Variants in RPS6KA5 observed in about 807,000 individuals in gnomAD.
RPS6KA5 encodes ribosomal protein S6 kinase alpha-5.
In RPS6KA5, 27 loss-of-function variants were observed where a neutral mutation model predicts 85.5. That is an observed-to-expected ratio of 0.32 (90% CI 0.23 to 0.44). RPS6KA5 has a LOEUF of 0.44. Ranked by LOEUF, RPS6KA5 falls within the 20% of genes least tolerant of loss-of-function variation. RPS6KA5 has a pLI of 1.00. For missense variants in RPS6KA5, 811 were observed against 980.9 expected (o/e 0.83, Z 2.31); for synonymous variants, 334 against 348.2 (o/e 0.96, Z 0.46).
At chr14:90,944,538 C>A (rs1231299778) in intron 4 of RPS6KA5, among the ~76,000 whole-genome samples, 1 of 152,118 alleles carries the variant, frequency 6.6e-6, no homozygotes, top group African/African-American at 2.4e-5. Flanking sequence ...GGCAGATCAC[C>A]TGAGGTCAAG....
intron 2 of RPS6KA5, among the ~76,000 whole-genome samples, chr14:90,998,816 G>C (rs898042046): frequency 5.9e-5 from 9 of 152,148 alleles, no homozygotes; most frequent in African/African-American, 1.7e-4. Context: ...TAGCTGTAAA[G>C]ATTGGGCCTA....
chr14:90,927,876 T>C (rs1254174948), intron 5 of RPS6KA5, among the ~76,000 whole-genome samples: 1 of 151,776 alleles, frequency 6.6e-6, no homozygotes, highest in Non-Finnish European at 1.5e-5. Context: ...ATCCATCAAT[T>C]AGAGAATACA....
intron 2 of RPS6KA5, among the ~76,000 whole-genome samples, chr14:90,992,657 T>G (rs961251103): frequency 6.6e-6 from 1 of 152,200 alleles, no homozygotes; most frequent in African/African-American, 2.4e-5. Flanking sequence ...TAATCCCCCT[T>G]TTCCTGTTTT....
rs1171646962 is a variant in RPS6KA5, at chr14:90,920,307, T to C, written c.705A>G (p.Ala235=). The C allele has an allele frequency of 1.3e-6, 2 of 1,579,220 alleles. No homozygotes were observed. Among genetic ancestry groups the C allele is most frequent in the Non-Finnish European group, 1.7e-6 (2 of 1,151,700 alleles). ...GAACACCCAAACTCCACCAGTCAAC[T>C]GCCTATAAAACAACAATAATTTCAT... The part of the protein sequence containing the change: ...VRGGDSGHDK[A]VDWWSLGVLM... Residue 235 remains alanine (A), a splice_region_variant and synonymous_variant, in exon 7 of 17, where the codon GCA becomes GCG. Coordinates refer to ENST00000614987, the MANE Select transcript of RPS6KA5 (RefSeq NM_004755.4).
At chr14:90,908,068 C>T (rs1301226878) in intron 7 of RPS6KA5, among the ~76,000 whole-genome samples, 1 of 152,198 alleles carries the variant, frequency 6.6e-6, no homozygotes, top group Non-Finnish European at 1.5e-5. Flanking sequence ...ACCTTAAGAA[C>T]ATTTCAACTT....
At chr14:90,965,980 G>A (rs532970445) in intron 3 of RPS6KA5, among the ~76,000 whole-genome samples, 1 of 152,328 alleles carries the variant, frequency 6.6e-6, no homozygotes, top group African/African-American at 2.4e-5. Context: ...AGGTGCAACT[G>A]GTTTGACTGA....
Position 91,021,962 on chromosome 14 carries a change from C to T in RPS6KA5, c.104-20803G>A, listed in dbSNP as rs75718207. 1.3e-3 allele frequency among the ~76,000 whole-genome samples: 194 copies of T among 152,204 alleles called. 1 individual carries two copies. The East Asian group carries it at 0.029, about 23-fold the overall frequency. ...GGTATGCTGCTTGCTACTGAGGTAC[C>T]TTGCCTTCTAGGCTCTTTCATGAAC... On this transcript the variant is annotated intron_variant, in intron 1 of 16. Coordinates refer to ENST00000614987, the MANE Select transcript of RPS6KA5 (RefSeq NM_004755.4).
intron 1 of RPS6KA5, among the ~76,000 whole-genome samples, chr14:91,042,692 C>A (rs1481625118): frequency 6.6e-6 from 1 of 152,082 alleles, no homozygotes; most frequent in East Asian, 1.9e-4. Context: ...GTATCCTCTA[C>A]CTCTTCCTTC....
intron 13 of RPS6KA5, chr14:90,894,106 G>A: frequency 2.0e-6 from 2 of 1,004,192 alleles, no homozygotes; most frequent in Non-Finnish European, 2.4e-6. Context: ...ATTATTTTCT[G>A]CTATAAAAAT....
intron 12 of RPS6KA5, among the ~76,000 whole-genome samples, chr14:90,898,615 G>T (rs751825801): frequency 2.0e-5 from 3 of 152,184 alleles, no homozygotes; most frequent in Non-Finnish European, 2.9e-5. Flanking sequence ...GCACATTCAG[G>T]ATTGGTTTGT....
rs939542041 is a variant in RPS6KA5 at position 90,863,566 on chromosome 14, A to G, written c.*8508T>C. On this transcript the variant is annotated 3_prime_UTR_variant, in exon 17 of 17. Transcript: ENST00000614987. ...AAATCTAAAATAATATACAGATTAG[A>G]ATTAAAAAGTGAATTTAACAAGGTT... 6.6e-6 allele frequency: 1 copy of G among 151,930 alleles called. No homozygotes were observed. Among genetic ancestry groups the G allele is most frequent in the Non-Finnish European group, 1.5e-5 (1 of 67,958 alleles). The allele number at this position is 151,930 out of a possible 1,614,324, so 9.4% of individuals were successfully genotyped here.
chr14:90,913,795 T>C (rs2035961431), intron 7 of RPS6KA5, among the ~76,000 whole-genome samples: 1 of 152,206 alleles, frequency 6.6e-6, no homozygotes, highest in African/African-American at 2.4e-5. Context: ...AACTCAGACC[T>C]TGGGGGTTCC....
At chr14:90,978,038 G>C (rs1176814345) in intron 3 of RPS6KA5, among the ~76,000 whole-genome samples, 1 of 152,070 alleles carries the variant, frequency 6.6e-6, no homozygotes, top group Non-Finnish European at 1.5e-5. Context: ...CTGGGTGACA[G>C]AGCCAGACTC....
chr14:90,922,754 C>T (rs2036468704), intron 6 of RPS6KA5, among the ~76,000 whole-genome samples: 1 of 152,016 alleles, frequency 6.6e-6, no homozygotes, highest in Non-Finnish European at 1.5e-5. Flanking sequence ...AGAATGGAGT[C>T]ATAGTTTGTA....
rs893752125 is a variant in RPS6KA5, at chr14:90,859,889, C to T, written c.*12185G>A. On this transcript the variant is annotated 3_prime_UTR_variant, in exon 17 of 17. Transcript: ENST00000614987. The stretch of plus-strand genomic sequence containing the variant: ...GAAAACTAAACACCGCATGTTCTCA[C>T]TCATAAGTGGGAGTTGAACAATGAG... 1 of 150,730 alleles carries T rather than the reference C, an allele frequency of 6.6e-6. No individual in the cohort carries two copies. Among genetic ancestry groups the T allele is most frequent in the Non-Finnish European group, 1.5e-5 (1 of 67,868 alleles). The allele number at this position is 150,730 out of a possible 1,614,324, so 9.3% of individuals were successfully genotyped here. A position where few individuals can be genotyped will look rare whatever the true frequency, so the allele number is the denominator to read the frequency against.
intron 1 of RPS6KA5, among the ~76,000 whole-genome samples, chr14:91,042,156 T>C (rs1410506433): frequency 6.6e-6 from 1 of 152,228 alleles, no homozygotes; most frequent in East Asian, 1.9e-4. Context: ...TATAACATTC[T>C]ATAAACTTTC....
intron 5 of RPS6KA5, among the ~76,000 whole-genome samples, chr14:90,940,947 T>C (rs2037538413): frequency 6.6e-6 from 1 of 152,154 alleles, no homozygotes. Context: ...ACCCTCGTCT[T>C]TGGGAAAAAT....
chr14:90,877,730 A>G (rs1417220614), intron 14 of RPS6KA5, among the ~76,000 whole-genome samples: 3 of 152,034 alleles, frequency 2.0e-5, no homozygotes, highest in Non-Finnish European at 2.9e-5. Context: ...GCAAAGTCCC[A>G]TGCATCCTAG....
Position 90,851,341 on chromosome 14 carries a change from T to C in RPS6KA5, c.*20733A>G, listed in dbSNP as rs2031989282. On this transcript the variant is annotated 3_prime_UTR_variant, in exon 17 of 17. Coordinates refer to ENST00000614987, the MANE Select transcript of RPS6KA5 (RefSeq NM_004755.4). ...GAGTGAGCCACCGCACCTGGCCTGG[T>C]AAAGATACTTTTAAAATTAAATTGC... 6.6e-6 allele frequency: 1 copy of C among 152,188 alleles called. No individual in the cohort carries two copies. Among genetic ancestry groups the C allele is most frequent in the Non-Finnish European group, 1.5e-5 (1 of 68,036 alleles). The allele number at this position is 152,188 out of a possible 1,614,324, so 9.4% of individuals were successfully genotyped here. A position where few individuals can be genotyped will look rare whatever the true frequency, so the allele number is the denominator to read the frequency against.
Sources: gnomAD v4.1 joint callset for allele counts (sites outside exome capture counted in the v4.1 genomes callset) on GRCh38, gnomAD v4.1.1 for gene constraint, MANE v1.5 for transcripts, NCBI Gene and HGNC (gene_info 2026-07-23, HGNC 2026-07-21) for gene names.